Variants in PLA2R1 observed in about 807,000 individuals in gnomAD.
PLA2R1 encodes secretory phospholipase A2 receptor.
In PLA2R1, 158 loss-of-function variants were observed where a neutral mutation model predicts 195.9. That is an observed-to-expected ratio of 0.81 (90% CI 0.71 to 0.92). The LOEUF is 0.92. PLA2R1 is among the 40% of genes least tolerant of loss of function. The probability of loss-of-function intolerance (pLI) is 0.00; values close to 1 mark genes in which losing one functional copy is unlikely to be tolerated. For missense variants in PLA2R1, 1,626 were observed against 1,764.6 expected (o/e 0.92, Z 1.41); for synonymous variants, 586 against 598.2 (o/e 0.98, Z 0.30).
Position 160,062,590 on chromosome 2 carries a change from C to T in PLA2R1, c.-187G>A. On this transcript the variant is annotated 5_prime_UTR_variant, in exon 1 of 30. Transcript: ENST00000283243. ...AGACCCACTCCGCCACCGCTGTCTC[C>T]ACAGTGAACCGACACTCGGGGCTCT... 9.5e-7 allele frequency: 1 copy of T among 1,056,658 alleles called. No homozygotes were observed. Among genetic ancestry groups the T allele is most frequent in the Non-Finnish European group, 1.3e-6 (1 of 793,056 alleles). 65.5% of individuals were successfully genotyped at this position (1,056,658 alleles called of 1,614,324 possible).
intron 10 of PLA2R1, among the ~76,000 whole-genome samples, chr2:160,007,351 C>A (rs1004611805): frequency 6.6e-6 from 1 of 152,144 alleles, no homozygotes; most frequent in Non-Finnish European, 1.5e-5. Flanking sequence ...CAGCCTCTGC[C>A]CCCAGACCTA....
At chr2:159,997,305 G>A (rs552223509) in intron 11 of PLA2R1, among the ~76,000 whole-genome samples, 1 of 152,122 alleles carries the variant, frequency 6.6e-6, no homozygotes, top group South Asian at 2.1e-4. Flanking sequence ...AGGATGGCTA[G>A]AGAGCTGGAG....
chr2:160,031,751 ATTTTT>A (rs1483420409), intron 4 of PLA2R1, among the ~76,000 whole-genome samples: 1 of 151,994 alleles, frequency 6.6e-6, no homozygotes, highest in Non-Finnish European at 1.5e-5. Context: ...GTTTTTATTT[ATTTTT>A]ATTTTTTATT....
intron 3 of PLA2R1, among the ~76,000 whole-genome samples, chr2:160,039,871 C>G (rs751715672): frequency 6.6e-6 from 1 of 151,754 alleles, no homozygotes. Flanking sequence ...TGAACCCAGG[C>G]TTCCACTGGG....
At chr2:159,983,240 G>A (rs758744791) in intron 13 of PLA2R1, among the ~76,000 whole-genome samples, 27 of 152,144 alleles carry the variant, frequency 1.8e-4, no homozygotes, top group Non-Finnish European at 3.4e-4. Context: ...TTCTGAAACT[G>A]GAAGGAATTA....
chr2:159,929,852 T>C (rs948566202), downstream of PLA2R1, among the ~76,000 whole-genome samples: 1 of 147,660 alleles, frequency 6.8e-6, no homozygotes, highest in African/African-American at 2.5e-5. Flanking sequence ...TATTATATAT[T>C]TGTGTGTGTG....
intron 23 of PLA2R1, among the ~76,000 whole-genome samples, chr2:159,953,823 T>TTTTTG (rs1010812712): frequency 7.2e-5 from 11 of 152,166 alleles, no homozygotes; most frequent in Admixed American, 1.3e-4. Flanking sequence ...GAGTGTGTTA[T>TTTTTG]TTTTGTTTTG....
At chr2:159,987,091 G>A in intron 12 of PLA2R1, 65 bp downstream of exon 12, 1 of 1,266,252 alleles carries the variant, frequency 7.9e-7, no homozygotes, top group South Asian at 1.2e-5. Context: ...AGGAATTTGG[G>A]ATACATGGAT....
At chr2:160,029,267 T>A (rs751368229) in intron 4 of PLA2R1, among the ~76,000 whole-genome samples, 16 of 152,082 alleles carry the variant, frequency 1.1e-4, no homozygotes, top group Non-Finnish European at 1.9e-4. Context: ...CTTACTTGAG[T>A]GAGCTCATGA....
intron 1 of PLA2R1, among the ~76,000 whole-genome samples, chr2:160,057,210 A>G (rs571409277): frequency 6.6e-6 from 1 of 152,324 alleles, no homozygotes; most frequent in East Asian, 1.9e-4. Flanking sequence ...AACAGTCAAC[A>G]GAAAGAACAA....
intron 25 of PLA2R1, among the ~76,000 whole-genome samples, chr2:159,948,686 T>C (rs193263427): frequency 1.3e-5 from 2 of 151,970 alleles, no homozygotes; most frequent in African/African-American, 4.8e-5. Flanking sequence ...GGACAGCTTT[T>C]ATGGAGTTTT....
chr2:160,032,169 A>G (rs1479787659), intron 4 of PLA2R1, among the ~76,000 whole-genome samples: 1 of 152,260 alleles, frequency 6.6e-6, no homozygotes, highest in African/African-American at 2.4e-5. Flanking sequence ...GGATTACAGA[A>G]CTATGGGAAC....
chr2:159,952,795 C>T (rs1458961215), intron 23 of PLA2R1, among the ~76,000 whole-genome samples: 1 of 152,206 alleles, frequency 6.6e-6, no homozygotes, highest in Non-Finnish European at 1.5e-5. Context: ...CACTCTCCTC[C>T]TCCGGTCATA....
intron 11 of PLA2R1, among the ~76,000 whole-genome samples, chr2:159,991,847 T>G (rs906628918): frequency 3.4e-5 from 3 of 89,138 alleles, no homozygotes; most frequent in South Asian, 3.8e-4. Flanking sequence ...CCACATTTTC[T>G]TAATCCAGTC....
intron 1 of PLA2R1, among the ~76,000 whole-genome samples, chr2:160,053,384 C>T (rs1695338886): frequency 6.6e-6 from 1 of 151,448 alleles, no homozygotes; most frequent in African/African-American, 2.4e-5. Context: ...ATAACCATCC[C>T]TATCATTCTT....
chr2:159,968,498 C>T (rs1405193278), intron 19 of PLA2R1, among the ~76,000 whole-genome samples: 2 of 152,204 alleles, frequency 1.3e-5, no homozygotes, highest in Admixed American at 1.3e-4. Flanking sequence ...GTGACACCTG[C>T]TGGTAAAAGC....
intron 7 of PLA2R1, among the ~76,000 whole-genome samples, chr2:160,020,637 T>C (rs1573910850): frequency 6.6e-6 from 1 of 152,142 alleles, no homozygotes; most frequent in East Asian, 1.9e-4. Context: ...AAGAGAGACC[T>C]GAGATAGCAC....
At chr2:159,965,580 T>C (rs1445579448) in intron 20 of PLA2R1, among the ~76,000 whole-genome samples, 1 of 152,230 alleles carries the variant, frequency 6.6e-6, no homozygotes. Flanking sequence ...TTTTGGCAAT[T>C]AAGAATAAAG....
In PLA2R1 at chr2:159,997,232, G is replaced by T. The variant is rs147728501; in HGVS notation, c.1834+8420C>A. Among the ~76,000 whole-genome samples the T allele has an allele frequency of 3.3e-3, 502 of 152,242 alleles. 3 individuals carry two copies. Among genetic ancestry groups the T allele is most frequent in the African/African-American group, 0.011 (462 of 41,542 alleles). On this transcript the variant is annotated intron_variant, in intron 11 of 29. Transcript: ENST00000283243. ...GGTCTCAGCCTTTTGGTGAGCCTGTGTTCCTGGACTGCACCCTTGACCAGT... is the reference window on the plus strand; with the variant it reads ...GGTCTCAGCCTTTTGGTGAGCCTGTTTTCCTGGACTGCACCCTTGACCAGT...
Sources: gnomAD v4.1 joint callset for allele counts (sites outside exome capture counted in the v4.1 genomes callset) on GRCh38, gnomAD v4.1.1 for gene constraint, MANE v1.5 for transcripts, NCBI Gene and HGNC (gene_info 2026-07-23, HGNC 2026-07-21) for gene names.